Variants in RPGRIP1 observed in about 807,000 individuals in gnomAD.
RPGRIP1 encodes X-linked retinitis pigmentosa GTPase regulator-interacting protein 1.
RPGRIP1 carries 128 observed loss-of-function variants against 157.9 expected under a neutral mutation model. The ratio of observed to expected loss-of-function variants is 0.81; its 90% CI spans 0.70 to 0.94. The LOEUF (loss-of-function observed/expected upper bound fraction) is 0.94. RPGRIP1 is among the 40% of genes least tolerant of loss of function. The pLI is 0.00. For synonymous variants in RPGRIP1, 554 were observed against 571.6 expected (o/e 0.97, Z 0.44); for missense variants, 1,486 against 1,545.8 (o/e 0.96, Z 0.65).
intron 11 of RPGRIP1, among the ~76,000 whole-genome samples, chr14:21,318,557 C>A (rs893001617): frequency 9.2e-5 from 14 of 152,190 alleles, no homozygotes; most frequent in Non-Finnish European, 1.5e-5. Flanking sequence ...CTCACTTCAA[C>A]CTCTGCCTCC....
intron 21 of RPGRIP1, among the ~76,000 whole-genome samples, chr14:21,336,936 G>T (rs1028993417): frequency 7.9e-5 from 12 of 152,178 alleles, no homozygotes; most frequent in Non-Finnish European, 1.8e-4. Flanking sequence ...TGTTACTTGA[G>T]AAATTAAATA....
chr14:21,317,665 A>G (rs1303591656), intron 10 of RPGRIP1, 31 bp from the exon 11 acceptor site: 2 of 1,565,304 alleles, frequency 1.3e-6, no homozygotes. Context: ...CCCTTGGGGT[A>G]TCCATCTGAG....
intron 12 of RPGRIP1, among the ~76,000 whole-genome samples, chr14:21,320,416 G>T (rs557965366): frequency 6.7e-6 from 1 of 150,094 alleles, no homozygotes; most frequent in Non-Finnish European, 1.5e-5. Context: ...TCAGCCTTCC[G>T]AGTAGCTGGG....
intron 19 of RPGRIP1, 120 bp downstream of exon 19, chr14:21,328,747 G>A: frequency 1.4e-6 from 1 of 726,892 alleles, no homozygotes; most frequent in Non-Finnish European, 2.2e-6. Context: ...AATCGGCCGG[G>A]CATGGTGGCT....
In RPGRIP1 at chr14:21,348,280, T is replaced by G. The variant is rs776882749; in HGVS notation, c.3726T>G (p.Asp1242Glu). 12 of 1,585,554 alleles carry G rather than the reference T, an allele frequency of 7.6e-6. No homozygotes were observed. The highest frequency in any genetic ancestry group is 2.7e-5 in the African/African-American group (2 of 74,200). ...QLWQILESGR[D>E]ILEQELDIVS... ...GGCAGATCCTGGAGTCAGGAAGAGA[T>G]ATTCTAGAGCAAGAGCTAGACAGTG... The change falls in exon 24 of 25, where the codon GAT becomes GAG. Residue 1242 changes from aspartate to glutamate, a missense_variant. Transcript: ENST00000400017.
chr14:21,301,029 G>T lies in RPGRIP1; in HGVS notation c.282G>T (p.Ala94=). ...AGRDLRVAEE[A]APLSETARRG... ...GGGACCTGCGGGTCGCGGAGGAGGC[G>T]GCGCCGCTCTCGGAGACCGCAAGGC... Residue 94 remains alanine, a synonymous_variant, in exon 4 of 25, where the codon GCG becomes GCT. Transcript: ENST00000400017. 6.2e-7 allele frequency: 1 copy of T among 1,612,454 alleles called. No homozygotes were observed. Among genetic ancestry groups the T allele is most frequent in the Non-Finnish European group, 8.5e-7 (1 of 1,179,350 alleles).
At chr14:21,316,819 G>A (rs943357044) in intron 10 of RPGRIP1, among the ~76,000 whole-genome samples, 5 of 152,032 alleles carry the variant, frequency 3.3e-5, no homozygotes, top group Admixed American at 1.3e-4. Flanking sequence ...TTGTATGAAT[G>A]ACCAAGAACT....
intron 19 of RPGRIP1, among the ~76,000 whole-genome samples, chr14:21,329,072 A>T (rs1437897578): frequency 1.4e-5 from 2 of 146,236 alleles, no homozygotes; most frequent in African/African-American, 5.1e-5. Flanking sequence ...TGAAGCTGGG[A>T]GGTGGAGGTT....
At position 21,351,158 on chromosome 14, in the gene RPGRIP1, A is replaced by C; in HGVS notation, c.3803A>C (p.Gln1268Pro). The change falls in exon 25 of 25, where the codon CAA (glutamine) becomes CCA (proline). Residue 1268 changes from glutamine (Q) to proline (P), a missense_variant. Gln to Pro is a moderately conservative substitution (Grantham distance 76, BLOSUM62 -1). Coordinates refer to ENST00000400017, the MANE Select transcript of RPGRIP1 (RefSeq NM_020366.4). ...ATAGGAAGGCTGAAGGTTTCCCTTC[A>C]AGCAGCTGCTGTCCTCCATGCTATT... ...TPIGRLKVSL[Q>P]AAAVLHAIYK... is the part of the protein sequence containing the mutation. 6.2e-7 allele frequency: 1 copy of C among 1,613,062 alleles called. No individual in the cohort carries two copies.
At chr14:21,314,794 G>A (rs1055645240) in intron 10 of RPGRIP1, among the ~76,000 whole-genome samples, 1 of 151,862 alleles carries the variant, frequency 6.6e-6, no homozygotes, top group African/African-American at 2.4e-5. Context: ...GGCCAAGGCA[G>A]GCAGATTGCC....
At chr14:21,300,264 C>T (rs986905817) in intron 3 of RPGRIP1, among the ~76,000 whole-genome samples, 1 of 146,518 alleles carries the variant, frequency 6.8e-6, no homozygotes, top group Non-Finnish European at 1.5e-5. Context: ...GAGATCGTGC[C>T]ATTGCACTCC....
chr14:21,311,349 C>G (rs577602408), intron 8 of RPGRIP1, among the ~76,000 whole-genome samples: 2 of 152,090 alleles, frequency 1.3e-5, no homozygotes, highest in African/African-American at 2.4e-5. Context: ...GTCAGGAGTT[C>G]GAGACCAGCC....
intron 19 of RPGRIP1, among the ~76,000 whole-genome samples, chr14:21,329,439 T>C (rs1473754602): frequency 5.3e-5 from 8 of 152,114 alleles, no homozygotes; most frequent in Non-Finnish European, 1.5e-5. Context: ...TAATTCAGCA[T>C]ATTATGTACT....
In RPGRIP1 at chr14:21,312,501, A is replaced by G; in HGVS notation, c.1146A>G (p.Leu382=). 6.2e-7 allele frequency: 1 copy of G among 1,607,850 alleles called. No homozygotes were observed. The highest frequency in any genetic ancestry group is 8.5e-7 in the Non-Finnish European group (1 of 1,175,298). Residue 382 remains leucine, a synonymous_variant, in exon 10 of 25, where the codon TTA becomes TTG. Coordinates refer to ENST00000400017, the MANE Select transcript of RPGRIP1 (RefSeq NM_020366.4). The part of the protein sequence containing the change: ...KLLNDNYDKL[L]ESMLDSSDSS... ...TGAATGACAATTATGACAAACTCTTAGAAAGGTGAGTACCACATTTGGGTC... is the reference window on the plus strand; with the variant it reads ...TGAATGACAATTATGACAAACTCTTGGAAAGGTGAGTACCACATTTGGGTC...
At chr14:21,306,175 A>G (rs910058826) in intron 6 of RPGRIP1, among the ~76,000 whole-genome samples, 2 of 114,654 alleles carry the variant, frequency 1.7e-5, no homozygotes, top group African/African-American at 7.2e-5. Context: ...TTTGTTGCCC[A>G]GGCTGAAGTG....
intron 10 of RPGRIP1, among the ~76,000 whole-genome samples, chr14:21,314,816 G>A (rs571352212): frequency 6.6e-6 from 1 of 151,980 alleles, no homozygotes; most frequent in Admixed American, 6.6e-5. Flanking sequence ...GAGCACAGGA[G>A]TGTGAGACCA....
intron 1 of RPGRIP1, among the ~76,000 whole-genome samples, chr14:21,285,848 A>C (rs2139129496): frequency 6.6e-6 from 1 of 152,096 alleles, no homozygotes; most frequent in East Asian, 1.9e-4. Context: ...GTTGTTTTAT[A>C]CAGGTCACTC....
chr14:21,294,527 C>A (rs1186200921), intron 2 of RPGRIP1, 150 bp from the exon 3 acceptor site: 6 of 751,956 alleles, frequency 8.0e-6, no homozygotes, highest in Non-Finnish European at 1.2e-5. Context: ...TGCGCCTGGC[C>A]CAGAGTCATT....
chr14:21,343,870 T>G (rs1230611775), intron 22 of RPGRIP1, among the ~76,000 whole-genome samples: 2 of 37,336 alleles, frequency 5.4e-5, no homozygotes, highest in Non-Finnish European at 1.0e-4. Context: ...TTTCCTGTTT[T>G]TTTTTTTTTT....
Sources: allele counts gnomAD v4.1 joint callset (sites outside exome capture counted in the v4.1 genomes callset), GRCh38; gene constraint gnomAD v4.1.1; transcripts MANE v1.5; gene names NCBI Gene and HGNC (gene_info 2026-07-23, HGNC 2026-07-21).